Variants in KLHL1 observed in about 807,000 individuals in gnomAD.
KLHL1 encodes kelch like family member 1.
Under a neutral mutation model 77.7 loss-of-function variants are expected in KLHL1, and 47 were observed. That is an observed-to-expected ratio of 0.60 (90% CI 0.48 to 0.77). The LOEUF (loss-of-function observed/expected upper bound fraction) is 0.77, where lower values mean the gene tolerates loss of function less well. KLHL1 is among the 30% of genes least tolerant of loss of function. The pLI is 0.00. For synonymous variants in KLHL1, 360 were observed against 325.2 expected, an observed-to-expected ratio of 1.11 and a Z score of -1.15; for missense variants, 925 against 910.8, an observed-to-expected ratio of 1.02 and a Z score of -0.20.
At chr13:69,899,679 ATAGCTTTGC>A (rs1177871558) in intron 4 of KLHL1, among the ~76,000 whole-genome samples, 1 of 152,164 alleles carries the variant, frequency 6.6e-6, no homozygotes, top group Non-Finnish European at 1.5e-5. Context: ...GCACTGGCAA[ATAGCTTTGC>A]TAGCTGTTGA....
chr13:69,999,916 C>A (rs1885245933), intron 1 of KLHL1, among the ~76,000 whole-genome samples: 1 of 152,034 alleles, frequency 6.6e-6, no homozygotes, highest in Non-Finnish European at 1.5e-5. Context: ...ATGTTTGTCA[C>A]CTCCAAATCT....
intron 4 of KLHL1, among the ~76,000 whole-genome samples, chr13:69,890,727 C>T (rs555855126): frequency 4.0e-5 from 6 of 151,802 alleles, no homozygotes; most frequent in African/African-American, 1.4e-4. Context: ...ATAGAAGGTC[C>T]TAATTTTCAG....
chr13:69,888,570 T>C (rs1881303822), intron 4 of KLHL1, among the ~76,000 whole-genome samples: 2 of 152,022 alleles, frequency 1.3e-5, no homozygotes, highest in Non-Finnish European at 2.9e-5. Flanking sequence ...TTATGTGTAG[T>C]TATGCTACCA....
chr13:70,016,072 T>C (rs1885649798), intron 1 of KLHL1, among the ~76,000 whole-genome samples: 1 of 152,180 alleles, frequency 6.6e-6, no homozygotes, highest in South Asian at 2.1e-4. Flanking sequence ...CTCAAACACA[T>C]TTGTAAATAA....
intron 8 of KLHL1, among the ~76,000 whole-genome samples, chr13:69,723,615 G>C (rs1034726059): frequency 6.6e-6 from 1 of 152,018 alleles, no homozygotes; most frequent in Non-Finnish European, 1.5e-5. Context: ...ATCTCATTCA[G>C]GCCATGATAG....
rs1875401475 is a variant in KLHL1, at chr13:69,701,667, G to A, written c.*35C>T. On this transcript the variant is annotated 3_prime_UTR_variant, in exon 11 of 11. Coordinates refer to ENST00000377844, the MANE Select transcript of KLHL1 (RefSeq NM_020866.3). ...ATTCAATATAAAAATAACCACTCCA[G>A]CAAGTAAAATCTTTCCAAGTAAAAT... is the stretch of plus-strand genomic sequence containing the variant. 6.7e-7 allele frequency: 1 copy of A among 1,487,208 alleles called. No homozygotes were observed. The highest frequency in any genetic ancestry group is 1.2e-5 in the South Asian group (1 of 86,036). The allele number at this position is 1,487,208 out of a possible 1,614,324, so 92.1% of individuals were successfully genotyped here.
At chr13:69,873,899 G>A (rs1880673154) in intron 5 of KLHL1, among the ~76,000 whole-genome samples, 1 of 152,084 alleles carries the variant, frequency 6.6e-6, no homozygotes, top group South Asian at 2.1e-4. Flanking sequence ...CAAAAATATA[G>A]TTGTAAGAAG....
intron 1 of KLHL1, among the ~76,000 whole-genome samples, chr13:70,078,573 T>C (rs1887317041): frequency 6.6e-6 from 1 of 152,104 alleles, no homozygotes; most frequent in Non-Finnish European, 1.5e-5. Context: ...TTCTAGAATT[T>C]GAAAAGCCAC....
chr13:69,873,761 A>G (rs1290239338), intron 5 of KLHL1, among the ~76,000 whole-genome samples: 1 of 152,156 alleles, frequency 6.6e-6, no homozygotes, highest in African/African-American at 2.4e-5. Context: ...TAAAGTATAT[A>G]TATTTAAAAA....
At chr13:69,874,974 GT>G (rs2138182631) in intron 5 of KLHL1, among the ~76,000 whole-genome samples, 1 of 152,122 alleles carries the variant, frequency 6.6e-6, no homozygotes, top group South Asian at 2.1e-4. Context: ...ATTGTTTTTT[GT>G]AATTTGTTTC....
Position 69,939,378 on chromosome 13 carries a change from T to TACACAC in KLHL1, c.1014+656_1014+661dup, listed in dbSNP as rs1555283223. ...ATATATATATATATATATATATATATACACACACACACGCACACACATACA... is the reference window on the plus strand; with the variant it reads ...ATATATATATATATATATATATATATACACACACACACACACACGCACACACATACA... On this transcript the variant is annotated intron_variant, in intron 4 of 10. Transcript: ENST00000377844. 9.6e-3 allele frequency among the ~76,000 whole-genome samples: 680 copies of TACACAC among 70,734 alleles called. 22 individuals carry two copies. Among genetic ancestry groups the TACACAC allele is most frequent in the Non-Finnish European group, 0.014 (515 of 37,458 alleles). 46.4% of individuals were successfully genotyped at this position (70,734 alleles called of 152,430 possible).
intron 1 of KLHL1, among the ~76,000 whole-genome samples, chr13:69,995,867 T>C (rs139609862): frequency 6.6e-6 from 1 of 152,226 alleles, no homozygotes; most frequent in African/African-American, 2.4e-5. Flanking sequence ...GTCACAATTC[T>C]CATATTGAGG....
At chr13:70,020,672 A>G (rs577267334) in intron 1 of KLHL1, among the ~76,000 whole-genome samples, 1 of 152,196 alleles carries the variant, frequency 6.6e-6, no homozygotes, top group African/African-American at 2.4e-5. Flanking sequence ...ACATAAAGGC[A>G]GTCATCACAA....
intron 4 of KLHL1, among the ~76,000 whole-genome samples, chr13:69,922,657 G>A (rs1280787787): frequency 2.0e-5 from 3 of 151,930 alleles, no homozygotes; most frequent in Admixed American, 6.6e-5. Flanking sequence ...TCAATAACAA[G>A]CAAAATTAAA....
intron 7 of KLHL1, among the ~76,000 whole-genome samples, chr13:69,756,041 C>T (rs1170789751): frequency 6.6e-6 from 1 of 152,120 alleles, no homozygotes; most frequent in Non-Finnish European, 1.5e-5. Flanking sequence ...TAGTTTGCCT[C>T]AGTGTATTCC....
intron 1 of KLHL1, among the ~76,000 whole-genome samples, chr13:70,086,561 A>T: frequency 8.7e-6 from 1 of 115,516 alleles, no homozygotes; most frequent in African/African-American, 3.3e-5. Context: ...TGACAGAGGG[A>T]AGCTCTGTCT....
intron 4 of KLHL1, among the ~76,000 whole-genome samples, chr13:69,937,839 G>A (rs1464402595): frequency 6.6e-6 from 1 of 152,120 alleles, no homozygotes; most frequent in Non-Finnish European, 1.5e-5. Flanking sequence ...ATTAAAGTCT[G>A]GGTAGACCAG....
chr13:69,862,127 G>A (rs1880192424), intron 5 of KLHL1, among the ~76,000 whole-genome samples: 2 of 151,948 alleles, frequency 1.3e-5, no homozygotes, highest in Admixed American at 6.6e-5. Context: ...TTTAAAACAT[G>A]AGTATCACAT....
At chr13:69,728,042 C>T (rs2137908924) in intron 8 of KLHL1, among the ~76,000 whole-genome samples, 1 of 152,046 alleles carries the variant, frequency 6.6e-6, no homozygotes, top group South Asian at 2.1e-4. Flanking sequence ...CAATCAGGTC[C>T]CTTAAAAATC....
Sources: gnomAD v4.1 joint callset for allele counts (sites outside exome capture counted in the v4.1 genomes callset) on GRCh38, gnomAD v4.1.1 for gene constraint, MANE v1.5 for transcripts, NCBI Gene and HGNC (gene_info 2026-07-23, HGNC 2026-07-21) for gene names.